The following CNTNAP3 variants were observed in gnomAD, a reference collection of about 807,000 sequenced individuals.
CNTNAP3 encodes the protein contactin associated protein family member 3.
In CNTNAP3, 36 loss-of-function variants were observed where a neutral mutation model predicts 92.1. The ratio of observed to expected loss-of-function variants is 0.39; its 90% CI spans 0.30 to 0.52. CNTNAP3 has a LOEUF of 0.52. Ranked by LOEUF, CNTNAP3 falls within the 20% of genes least tolerant of loss-of-function variation. The pLI, the probability that CNTNAP3 is intolerant of heterozygous loss-of-function variation, is 0.76. For synonymous variants in CNTNAP3, 232 were observed against 422.3 expected, an observed-to-expected ratio of 0.55 and a Z score of 5.53; for missense variants, 534 against 1,069.6, an observed-to-expected ratio of 0.50 and a Z score of 6.98.
chr9:39,286,514 T>C lies in CNTNAP3; in HGVS notation c.85+1466A>G, dbSNP rs1823043036. 7.5e-5 allele frequency among the ~76,000 whole-genome samples: 2 copies of C among 26,752 alleles called. 1 individual carries two copies. The highest frequency in any genetic ancestry group is 1.4e-4 in the African/African-American group (2 of 14,120). 17.6% of individuals were successfully genotyped at this position (26,752 alleles called of 152,430 possible). A position where few individuals can be genotyped will look rare whatever the true frequency, so the allele number is the denominator to read the frequency against. ...TTGCCAGTTGATTGGTCAATTACTC[T>C]AGCATGCCTTTCTATAAGTAGCTCA... On this transcript the variant is annotated intron_variant, in intron 1 of 23. Coordinates refer to ENST00000297668, the MANE Select transcript of CNTNAP3 (RefSeq NM_033655.5).
intron 18 of CNTNAP3, among the ~76,000 whole-genome samples, chr9:39,099,365 A>G (rs1288553529): frequency 1.3e-5 from 2 of 152,164 alleles, no homozygotes; most frequent in Non-Finnish European, 2.9e-5. Flanking sequence ...GATCCTGTTA[A>G]TGACTGTCAA....
chr9:39,091,281 GA>G (rs1345646923), intron 18 of CNTNAP3, among the ~76,000 whole-genome samples: 1 of 151,750 alleles, frequency 6.6e-6, no homozygotes, highest in Non-Finnish European at 1.5e-5. Context: ...TTGATCTTAG[GA>G]AAAAAACATT....
intron 13 of CNTNAP3, among the ~76,000 whole-genome samples, chr9:39,120,978 T>A (rs1232849701): frequency 6.6e-6 from 1 of 152,104 alleles, no homozygotes; most frequent in African/African-American, 2.4e-5. Context: ...GACATAAGGA[T>A]TACATATTTC....
intron 3 of CNTNAP3, among the ~76,000 whole-genome samples, chr9:39,201,681 CTTGCCCTTGACCTTCAAG>C (rs1350825072): frequency 0.046 from 50 of 1,078 alleles, 6 homozygotes; most frequent in African/African-American, 0.064. Context: ...TAACCCCATT[CTTGCCCTTGACCTTCAAG>C]TTGCCCTTAA....
chr9:39,117,923 CTT>C, intron 14 of CNTNAP3, 178 bp downstream of exon 14: 1 of 1,318,400 alleles, frequency 7.6e-7, no homozygotes, highest in South Asian at 1.5e-5. Flanking sequence ...ACTAGTAAAT[CTT>C]TGGTCATAAA....
At chr9:39,103,644 G>C in intron 16 of CNTNAP3, 100 bp downstream of exon 16, 1 of 1,302,762 alleles carries the variant, frequency 7.7e-7, no homozygotes, top group Non-Finnish European at 1.0e-6. Context: ...TAATGAAATA[G>C]AATCACAAAA....
At chr9:39,122,533 G>A (rs1005671666) in intron 13 of CNTNAP3, among the ~76,000 whole-genome samples, 2 of 152,192 alleles carry the variant, frequency 1.3e-5, no homozygotes, top group Non-Finnish European at 2.9e-5. Flanking sequence ...AACTCAAAAC[G>A]GAAGAAAGAA....
chr9:39,145,425 C>T (rs1198413004), intron 10 of CNTNAP3, among the ~76,000 whole-genome samples: 1 of 143,870 alleles, frequency 7.0e-6, no homozygotes, highest in African/African-American at 2.5e-5. Flanking sequence ...TGCCCCTCAC[C>T]ATGGGACCCA....
Position 39,241,687 on chromosome 9 carries a change from T to G in CNTNAP3, c.197-2501A>C, listed in dbSNP as rs1317651766. On this transcript the variant is annotated intron_variant, in intron 2 of 23. Transcript: ENST00000297668. Reference sequence around the variant, plus strand: ...TGGGGGTTTTTTTTGTTGTTGTTTTTTTTGTTTGTTTGTTTTGAGATGGAG... The same window carrying G: ...TGGGGGTTTTTTTTGTTGTTGTTTTGTTTGTTTGTTTGTTTTGAGATGGAG... Among the ~76,000 whole-genome samples, 2 of 5,344 alleles carry G rather than the reference T, an allele frequency of 3.7e-4. 1 individual carries two copies. Among genetic ancestry groups the G allele is most frequent in the African/African-American group, 4.0e-4 (2 of 5,026 alleles). The allele number at this position is 5,344 out of a possible 152,430, so 3.5% of individuals were successfully genotyped here.
At chr9:39,092,707 T>C (rs2118447193) in intron 18 of CNTNAP3, among the ~76,000 whole-genome samples, 1 of 137,014 alleles carries the variant, frequency 7.3e-6, no homozygotes, top group African/African-American at 2.7e-5. Context: ...TGTTAAGTGG[T>C]GTGTTCTACA....
In CNTNAP3 at chr9:39,073,527, T is replaced by C. The variant is rs914098545; in HGVS notation, c.*363A>G. On this transcript the variant is annotated 3_prime_UTR_variant, in exon 24 of 24. Transcript: ENST00000297668. ...AAAATAAAGTAGGGCCACAGCTTTATAGCCATTTTCTCATCTAAAACCCCA... is the reference window on the plus strand; with the variant it reads ...AAAATAAAGTAGGGCCACAGCTTTACAGCCATTTTCTCATCTAAAACCCCA... 16 of 322,052 alleles carry C rather than the reference T, an allele frequency of 5.0e-5. No homozygotes were observed. The highest frequency in any genetic ancestry group is 3.2e-4 in the African/African-American group (15 of 47,366). The allele number at this position is 322,052 out of a possible 1,614,324, so 19.9% of individuals were successfully genotyped here. A position where few individuals can be genotyped will look rare whatever the true frequency, so the allele number is the denominator to read the frequency against.
intron 15 of CNTNAP3, among the ~76,000 whole-genome samples, chr9:39,105,448 C>A (rs1374934453): frequency 2.0e-5 from 3 of 152,224 alleles, no homozygotes; most frequent in East Asian, 3.9e-4. Context: ...AACAAACAAA[C>A]AAACCAAGAA....
chr9:39,114,258 G>T (rs1400353680), intron 14 of CNTNAP3, among the ~76,000 whole-genome samples: 2 of 151,514 alleles, frequency 1.3e-5, no homozygotes, highest in Non-Finnish European at 2.9e-5. Flanking sequence ...AATATTTTTT[G>T]TATTTTTAGT....
intron 13 of CNTNAP3, among the ~76,000 whole-genome samples, chr9:39,127,870 G>A (rs1429157264): frequency 4.6e-5 from 7 of 151,954 alleles, no homozygotes; most frequent in Non-Finnish European, 7.4e-5. Context: ...ATGAAATCTC[G>A]TTCTGTTGCC....
rs988546158 is a variant in CNTNAP3 at position 39,104,138 on chromosome 9, G to A, written c.2366-224C>T. On this transcript the variant is annotated intron_variant, in intron 15 of 23. Coordinates refer to ENST00000297668, the MANE Select transcript of CNTNAP3 (RefSeq NM_033655.5). ...TGTGTTCAGAGAAGGCCAAACAAAA[G>A]CGAAGCAAAAGCAATGAGACCAGTC... Among the ~76,000 whole-genome samples, 17 of 152,148 alleles carry A rather than the reference G, an allele frequency of 1.1e-4. No individual in the cohort carries two copies. The South Asian group carries it at 1.7e-3, about 15-fold the overall frequency.
rs989010080 is a variant in CNTNAP3 at position 39,132,372 on chromosome 9, T to G, written c.2080+560A>C. Among the ~76,000 whole-genome samples the G allele has an allele frequency of 2.0e-5, 3 of 152,052 alleles. 1 individual carries two copies. The highest frequency in any genetic ancestry group is 4.4e-5 in the Non-Finnish European group (3 of 68,000). On this transcript the variant is annotated intron_variant, in intron 13 of 23. Transcript: ENST00000297668. ...AAACATTACTTCCATATATGAAGAT[T>G]AAGGTATACATTTCTCAAGATATAA...
chr9:39,116,710 A>C (rs1855012), intron 14 of CNTNAP3, among the ~76,000 whole-genome samples: 14,871 of 151,942 alleles, frequency 0.098, 782 homozygotes, highest in African/African-American at 0.15. Flanking sequence ...ATGATCATTT[A>C]GTAATTTTGA....
At chr9:39,161,725 G>A (rs921135065) in intron 9 of CNTNAP3, among the ~76,000 whole-genome samples, 5 of 133,472 alleles carry the variant, frequency 3.7e-5, no homozygotes, top group African/African-American at 8.5e-5. Flanking sequence ...GCACGTGCCT[G>A]TAGTCCAGGC....
intron 11 of CNTNAP3, among the ~76,000 whole-genome samples, chr9:39,142,487 A>G (rs1461759444): frequency 3.9e-5 from 6 of 152,040 alleles, no homozygotes; most frequent in African/African-American, 1.4e-4. Context: ...CCCGGCTAAC[A>G]TGGCAAAACC....
Sources: allele counts gnomAD v4.1 joint callset (sites outside exome capture counted in the v4.1 genomes callset), GRCh38; gene constraint gnomAD v4.1.1; transcripts MANE v1.5; gene names NCBI Gene and HGNC (gene_info 2026-07-23, HGNC 2026-07-21).